The following CNNM4 variants were observed in gnomAD, a reference collection of about 807,000 sequenced individuals.
CNNM4 encodes the protein metal transporter CNNM4.
In CNNM4, 32 loss-of-function variants were observed where a neutral mutation model predicts 53.7. The ratio of observed to expected loss-of-function variants is 0.60; its 90% CI spans 0.45 to 0.80. The LOEUF is 0.80. Among genes scored for constraint, CNNM4 ranks in the 30% least tolerant of loss-of-function variants. The probability of loss-of-function intolerance (pLI) is 0.00; values close to 1 mark genes in which losing one functional copy is unlikely to be tolerated. For synonymous variants in CNNM4, 410 were observed against 440.0 expected, an observed-to-expected ratio of 0.93 and a Z score of 0.85; for missense variants, 784 against 1,022.0, an observed-to-expected ratio of 0.77 and a Z score of 3.17.
At chr2:96,774,998 A>AAAAAAAAAAAG (rs2078912118) in intron 1 of CNNM4, among the ~76,000 whole-genome samples, 1 of 116,396 alleles carries the variant, frequency 8.6e-6, no homozygotes. Context: ...AAAAAAAAAA[A>AAAAAAAAAAAG]GCCAGAAGAT....
intron 1 of CNNM4, among the ~76,000 whole-genome samples, chr2:96,763,085 C>A (rs1460955311): frequency 6.6e-6 from 1 of 152,108 alleles, no homozygotes; most frequent in African/African-American, 2.4e-5. Flanking sequence ...CTCTAATTGG[C>A]TCGCTTCTCA....
Position 96,800,481 on chromosome 2 carries a change from G to A in CNNM4, c.1948+833G>A, listed in dbSNP as rs578046024. Among the ~76,000 whole-genome samples the A allele has an allele frequency of 6.6e-6, 1 of 152,222 alleles. No homozygotes were observed. Among genetic ancestry groups the A allele is most frequent in the Non-Finnish European group, 1.5e-5 (1 of 68,026 alleles). ...TGTCCTTTGACAAAAAGGACCCCGAGGGGGAACGGGGGTAGGGCACCCATG... is the reference window on the plus strand; with the variant it reads ...TGTCCTTTGACAAAAAGGACCCCGAAGGGGAACGGGGGTAGGGCACCCATG... On this transcript the variant is annotated intron_variant, in intron 5 of 6. Transcript: ENST00000377075. This position sits in a 1 kb window ranked among gnomAD's most constrained non-coding sequence, Gnocchi z 4.6.
intron 1 of CNNM4, among the ~76,000 whole-genome samples, chr2:96,770,419 C>A (rs1038771370): frequency 6.6e-6 from 1 of 152,176 alleles, no homozygotes; most frequent in African/African-American, 2.4e-5. Flanking sequence ...AAGGGGAGGC[C>A]TGTCTCGTAA....
intron 1 of CNNM4, among the ~76,000 whole-genome samples, chr2:96,766,716 T>G (rs1309590216): frequency 6.6e-6 from 1 of 152,226 alleles, no homozygotes; most frequent in African/African-American, 2.4e-5. Flanking sequence ...TGCTCATCAA[T>G]GTATCTCTAG....
chr2:96,781,280 G>T (rs529246210), intron 1 of CNNM4, among the ~76,000 whole-genome samples: 1 of 151,258 alleles, frequency 6.6e-6, no homozygotes, highest in South Asian at 2.1e-4. Context: ...TGCCCGGCCT[G>T]ATCTCGAACT....
rs2078753931 is a variant in CNNM4, at chr2:96,760,941, C to CGGACCGGGGCCGCGCGGCGT, written c.-56_-37dup. The CGGACCGGGGCCGCGCGGCGT allele has an allele frequency of 4.4e-6, 4 of 917,564 alleles. No individual in the cohort carries two copies. Among genetic ancestry groups the CGGACCGGGGCCGCGCGGCGT allele is most frequent in the Middle Eastern group, 1.1e-3 (2 of 1,828 alleles). The allele number at this position is 917,564 out of a possible 1,614,324, so 56.8% of individuals were successfully genotyped here. ...CAGCGGAGCGGCCGGAGCTGCGGTG[C>CGGACCGGGGCCGCGCGGCGT]GGACCGGGGCCGCGCGGCGTGGCGC... On this transcript the variant is annotated 5_prime_UTR_variant, in exon 1 of 7. Coordinates refer to ENST00000377075, the MANE Select transcript of CNNM4 (RefSeq NM_020184.4).
Position 96,761,611 on chromosome 2 carries a change from C to A in CNNM4, c.612C>A (p.Leu204=). Reference sequence around the variant, plus strand: ...CGGGCATATTTTCTGGCCTCAACCTCGGGCTTATGGCCCTGGACCCCATGG... The same window carrying A: ...CGGGCATATTTTCTGGCCTCAACCTAGGGCTTATGGCCCTGGACCCCATGG... The part of the protein sequence containing the change: ...VLSGIFSGLN[L]GLMALDPMEL... Residue 204 remains leucine, a synonymous_variant, in exon 1 of 7, where the codon CTC becomes CTA. Transcript: ENST00000377075. The surrounding 1 kb of genome is among the most constrained non-coding windows in gnomAD (Gnocchi z 6.0). 6.2e-7 allele frequency: 1 copy of A among 1,614,098 alleles called. No homozygotes were observed. Among genetic ancestry groups the A allele is most frequent in the Non-Finnish European group, 8.5e-7 (1 of 1,180,030 alleles).
In CNNM4 at chr2:96,801,550, C is replaced by T. The variant is rs949148747; in HGVS notation, c.1948+1902C>T. On this transcript the variant is annotated intron_variant, in intron 5 of 6. Coordinates refer to ENST00000377075, the MANE Select transcript of CNNM4 (RefSeq NM_020184.4). This position sits in a 1 kb window ranked among gnomAD's most constrained non-coding sequence, Gnocchi z 5.6. ...ATAGCACACACACAGAGAGACCACA[C>T]ACACACAGAGACCACACACAGAGAT... Among the ~76,000 whole-genome samples, 1 of 150,426 alleles carries T rather than the reference C, an allele frequency of 6.6e-6. No homozygotes were observed. Among genetic ancestry groups the T allele is most frequent in the Non-Finnish European group, 1.5e-5 (1 of 67,672 alleles).
At chr2:96,796,202 T>G (rs1426439078) in intron 1 of CNNM4, among the ~76,000 whole-genome samples, 1 of 132,552 alleles carries the variant, frequency 7.5e-6, no homozygotes, top group African/African-American at 2.9e-5. Flanking sequence ...TGGAGTGCAG[T>G]GGCGTGATCT....
At chr2:96,779,589 G>A (rs570907906) in intron 1 of CNNM4, among the ~76,000 whole-genome samples, 1 of 151,564 alleles carries the variant, frequency 6.6e-6, no homozygotes, top group African/African-American at 2.4e-5. Flanking sequence ...GGACTGTGGT[G>A]CACATGTGGG....
At chr2:96,796,582 C>T (rs182963691) in intron 1 of CNNM4, among the ~76,000 whole-genome samples, 35 of 152,020 alleles carry the variant, frequency 2.3e-4, no homozygotes, top group Admixed American at 1.4e-3. Context: ...AGCAACATAG[C>T]GAGATCCATC....
chr2:96,801,115 C>T lies in CNNM4; in HGVS notation c.1948+1467C>T. ...GGTGTCCGCCTGGCAAGCGGAACTC[C>T]CTGCTCTGCTGGCTCACAGGTAACG... On this transcript the variant is annotated intron_variant, in intron 5 of 6. Coordinates refer to ENST00000377075, the MANE Select transcript of CNNM4 (RefSeq NM_020184.4). The surrounding 1 kb of genome is among the most constrained non-coding windows in gnomAD (Gnocchi z 5.6). 1.0e-6 allele frequency: 1 copy of T among 985,416 alleles called. No homozygotes were observed. Among genetic ancestry groups the T allele is most frequent in the Non-Finnish European group, 1.2e-6 (1 of 829,928 alleles). 61.0% of individuals were successfully genotyped at this position (985,416 alleles called of 1,614,324 possible). A position where few individuals can be genotyped will look rare whatever the true frequency, so the allele number is the denominator to read the frequency against.
At chr2:96,806,531 ACACACGCGCG>A (rs1449926585) in intron 5 of CNNM4, among the ~76,000 whole-genome samples, 12 of 140,490 alleles carry the variant, frequency 8.5e-5, no homozygotes, top group African/African-American at 1.9e-4. Flanking sequence ...ACACACACAC[ACACACGCGCG>A]CGCGCGCGCG....
intron 1 of CNNM4, among the ~76,000 whole-genome samples, chr2:96,790,449 G>C (rs1385363081): frequency 6.6e-6 from 1 of 151,836 alleles, no homozygotes; most frequent in African/African-American, 2.4e-5. Flanking sequence ...CCACCTCCCA[G>C]ATTCAAGCGA....
At chr2:96,787,655 C>T (rs1241764552) in intron 1 of CNNM4, among the ~76,000 whole-genome samples, 5 of 152,062 alleles carry the variant, frequency 3.3e-5, no homozygotes, top group Admixed American at 6.6e-5. Flanking sequence ...CCCAGGAGTT[C>T]GAGATCAGCC....
At chr2:96,771,293 CT>C (rs570663726) in intron 1 of CNNM4, among the ~76,000 whole-genome samples, 3,465 of 138,032 alleles carry the variant, frequency 0.025, 112 homozygotes, top group African/African-American at 0.079. Context: ...AGATGATTTT[CT>C]TTTTTTTTTT....
chr2:96,768,548 C>G (rs370514333), intron 1 of CNNM4, among the ~76,000 whole-genome samples: 2 of 151,426 alleles, frequency 1.3e-5, no homozygotes, highest in Non-Finnish European at 2.9e-5. Context: ...AGTCAGGGCC[C>G]GGAAGTAGTT....
At chr2:96,783,915 A>G (rs2078995090) in intron 1 of CNNM4, among the ~76,000 whole-genome samples, 1 of 152,208 alleles carries the variant, frequency 6.6e-6, no homozygotes, top group South Asian at 2.1e-4. Context: ...GTACAAAACA[A>G]TATATGTGAT....
intron 1 of CNNM4, among the ~76,000 whole-genome samples, chr2:96,775,243 C>G (rs1344043057): frequency 6.6e-6 from 1 of 152,088 alleles, no homozygotes; most frequent in Non-Finnish European, 1.5e-5. Context: ...CCCTCCCAGT[C>G]CCTGCCCTGC....
Sources: allele counts gnomAD v4.1 joint callset (sites outside exome capture counted in the v4.1 genomes callset), GRCh38; gene constraint gnomAD v4.1.1; non-coding constraint Gnocchi (gnomAD v3.1); transcripts MANE v1.5; gene names NCBI Gene and HGNC (gene_info 2026-07-23, HGNC 2026-07-21).